The following DSG2 variants were observed in gnomAD, a reference collection of about 807,000 sequenced individuals.
DSG2 encodes the protein desmoglein-2.
In DSG2, 45 loss-of-function variants were observed where a neutral mutation model predicts 75.6. The observed-to-expected ratio is 0.60, with a 90% CI of 0.47 to 0.76. The LOEUF is 0.76. Among genes scored for constraint, DSG2 ranks in the 30% least tolerant of loss-of-function variants. The probability of loss-of-function intolerance (pLI) is 0.00; values close to 1 mark genes in which losing one functional copy is unlikely to be tolerated. For synonymous variants in DSG2, 429 were observed against 483.9 expected, an observed-to-expected ratio of 0.89 and a Z score of 1.49; for missense variants, 1,267 against 1,357.4, an observed-to-expected ratio of 0.93 and a Z score of 1.05.
In DSG2 at chr18:31,521,206, T is replaced by C. The variant is rs756239722; in HGVS notation, c.486T>C (p.Asp162=). 3 of 1,613,702 alleles carry C rather than the reference T, an allele frequency of 1.9e-6. No individual in the cohort carries two copies. The highest frequency in any genetic ancestry group is 3.3e-4 in the Middle Eastern group (2 of 6,054). ...INDNEPVFTQ[D]VFVGSVEELS... is the part of the protein sequence containing the mutation. ...ACAACGAACCAGTGTTCACACAGGA[T>C]GTCTTTGTTGGGTCTGTTGAAGAGT... The change falls in exon 5 of 15, where the codon GAT becomes GAC. Residue 162 remains aspartate, a synonymous_variant. Coordinates refer to ENST00000261590, the MANE Select transcript of DSG2 (RefSeq NM_001943.5).
intron 1 of DSG2, among the ~76,000 whole-genome samples, chr18:31,515,537 G>T (rs2073089867): frequency 6.6e-6 from 1 of 152,174 alleles, no homozygotes; most frequent in South Asian, 2.1e-4. Flanking sequence ...TCTCAGCATT[G>T]CTTTCCCTTG....
chr18:31,502,943 G>T (rs1353814077), intron 1 of DSG2, among the ~76,000 whole-genome samples: 1 of 152,112 alleles, frequency 6.6e-6, no homozygotes, highest in Non-Finnish European at 1.5e-5. Flanking sequence ...TAAACATATA[G>T]TCTACATATG....
rs147233850 is a variant in DSG2, at chr18:31,541,384, T to A, written c.2001+70T>A. The A allele has an allele frequency of 2.5e-6, 4 of 1,584,730 alleles. No homozygotes were observed. The African/African-American group carries it at 4.0e-5, about 16-fold the overall frequency. On this transcript the variant is annotated intron_variant, in intron 13 of 14. Coordinates refer to ENST00000261590, the MANE Select transcript of DSG2 (RefSeq NM_001943.5). ...TTAAAGGGGCCTAGGGAAGTGTTTC[T>A]TACATGTTTGGTTGAGTGAGTAAAG...
At chr18:31,519,698 C>A in intron 2 of DSG2, 105 bp from the exon 3 acceptor site, 2 of 1,216,782 alleles carry the variant, frequency 1.6e-6, no homozygotes, top group Non-Finnish European at 2.4e-6. Context: ...ACGAAGCATA[C>A]CTTAAAATTT....
chr18:31,522,469 T>C (rs965756455), intron 6 of DSG2: 1 of 473,594 alleles, frequency 2.1e-6, no homozygotes, highest in Non-Finnish European at 3.8e-6. Flanking sequence ...TGTATGCACG[T>C]TGAATGTGTA....
At position 31,519,913 on chromosome 18, in the gene DSG2, G is replaced by T. The variant is rs1377946410; in HGVS notation, c.192G>T (p.Leu64=). Residue 64 remains leucine (L), a synonymous_variant, in exon 3 of 15, where the codon CTG becomes CTT. Coordinates refer to ENST00000261590, the MANE Select transcript of DSG2 (RefSeq NM_001943.5). The part of the protein sequence containing the change: ...APVALREGED[L]SKKNPIAKIH... ...TGGCTCTTCGGGAGGGAGAGGATCT[G>T]TCCAAGAAGAATCCAATTGCCAAGG... The T allele has an allele frequency of 1.2e-6, 2 of 1,614,158 alleles. No homozygotes were observed. Among genetic ancestry groups the T allele is most frequent in the South Asian group, 2.2e-5 (2 of 91,078 alleles).
chr18:31,518,079 G>A (rs1390227463), intron 1 of DSG2, among the ~76,000 whole-genome samples, 160 bp from the exon 2 acceptor site: 1 of 152,196 alleles, frequency 6.6e-6, no homozygotes, highest in Non-Finnish European at 1.5e-5. Flanking sequence ...CATTAGGGAA[G>A]GCAATGGGAA....
Position 31,519,907 on chromosome 18 carries a change from G to C in DSG2, c.186G>C (p.Glu62Asp). ...CCCCCGTGGCTCTTCGGGAGGGAGA[G>C]GATCTGTCCAAGAAGAATCCAATTG... ...ITAPVALREGEDLSKKNPIAK... is the reference protein window; with the variant it reads ...ITAPVALREGDDLSKKNPIAK... The change falls in exon 3 of 15, where the codon GAG (glutamate) becomes GAC (aspartate). Residue 62 changes from glutamate (E) to aspartate (D), a missense_variant. Physicochemically the swap from Glu to Asp is conservative, Grantham distance 45 (BLOSUM62 2). Transcript: ENST00000261590. The C allele has an allele frequency of 6.2e-7, 1 of 1,614,084 alleles. No individual in the cohort carries two copies. The highest frequency in any genetic ancestry group is 1.1e-5 in the South Asian group (1 of 91,076).
Position 31,524,732 on chromosome 18 carries a change from C to CA in DSG2, c.860dup (p.Asn287LysfsTer14), listed in dbSNP as rs2073151297. ...AAGGGATGGTTGAAGAAAATCAAGT[C>CA]AACGTAGAAGTTACGCGCATAAAAG... On this transcript the variant is annotated frameshift_variant, in exon 8 of 15. Transcript: ENST00000261590. LOFTEE classifies it high-confidence loss of function. 6.2e-7 allele frequency: 1 copy of CA among 1,613,956 alleles called. No individual in the cohort carries two copies. Among genetic ancestry groups the CA allele is most frequent in the Admixed American group, 1.7e-5 (1 of 59,990 alleles).
chr18:31,505,530 C>T (rs971925175), intron 1 of DSG2, among the ~76,000 whole-genome samples: 14 of 151,956 alleles, frequency 9.2e-5, no homozygotes, highest in Middle Eastern at 6.8e-3. Context: ...TGGGCACGGA[C>T]GTATTCTTTA....
At chr18:31,536,075 A>G (rs746574573) in intron 10 of DSG2, 127 bp from the exon 11 acceptor site, 3 of 842,492 alleles carry the variant, frequency 3.6e-6, no homozygotes, top group South Asian at 1.5e-5. Context: ...TTTGAAACAT[A>G]TCTAGGATAG....
intron 14 of DSG2, chr18:31,543,288 G>A (rs2073282276): frequency 6.2e-6 from 1 of 161,490 alleles, no homozygotes; most frequent in Non-Finnish European, 1.4e-5. Context: ...ATTGACCAAA[G>A]CAAGTCATAT....
intron 1 of DSG2, among the ~76,000 whole-genome samples, chr18:31,511,882 G>A (rs1363308072): frequency 3.9e-5 from 6 of 152,060 alleles, no homozygotes; most frequent in African/African-American, 1.4e-4. Context: ...CAGTCCCTAC[G>A]ATCCCCCTGA....
chr18:31,509,215 A>G (rs2073054216), intron 1 of DSG2, among the ~76,000 whole-genome samples: 1 of 152,234 alleles, frequency 6.6e-6, no homozygotes, highest in African/African-American at 2.4e-5. Flanking sequence ...CTATGAGTTA[A>G]TAAAAAGCTT....
chr18:31,531,035 G>T lies in DSG2; in HGVS notation c.1063G>T (p.Ala355Ser), dbSNP rs201046640. The change falls in exon 9 of 15, where the codon GCT becomes TCT. Residue 355 changes from alanine to serine, a missense_variant. Ala to Ser is a moderately conservative substitution (Grantham distance 99). Coordinates refer to ENST00000261590, the MANE Select transcript of DSG2 (RefSeq NM_001943.5). ...MKNLDFSVIV[A>S]NKAAFHKSIR... is the part of the protein sequence containing the mutation. ...GAATCTTGACTTCAGTGTTATTGTC[G>T]CTAATAAAGCAGCTTTTCACAAGTC... 3.1e-6 allele frequency: 5 copies of T among 1,613,972 alleles called. No homozygotes were observed. The highest frequency in any genetic ancestry group is 4.2e-6 in the Non-Finnish European group (5 of 1,179,984).
At chr18:31,513,217 C>G (rs2073076428) in intron 1 of DSG2, among the ~76,000 whole-genome samples, 1 of 152,222 alleles carries the variant, frequency 6.6e-6, no homozygotes, top group African/African-American at 2.4e-5. Flanking sequence ...TTGAACGATT[C>G]TGTAACTTAA....
intron 8 of DSG2, 90 bp from the exon 9 acceptor site, chr18:31,530,897 T>A: frequency 7.7e-7 from 1 of 1,293,388 alleles, no homozygotes; most frequent in Admixed American, 1.8e-5. Context: ...AATTATTGTA[T>A]CTAACATTAA....
At chr18:31,514,508 G>A (rs1179223965) in intron 1 of DSG2, among the ~76,000 whole-genome samples, 1 of 152,064 alleles carries the variant, frequency 6.6e-6, no homozygotes, top group Admixed American at 6.6e-5. Context: ...AAATTCTTGT[G>A]CTGACTACTG....
At position 31,533,991 on chromosome 18, in the gene DSG2, C is replaced by CTTTTTTTTTT. The variant is rs55789239; in HGVS notation, c.1281-1271_1281-1262dup. On this transcript the variant is annotated intron_variant, in intron 9 of 14. Coordinates refer to ENST00000261590, the MANE Select transcript of DSG2 (RefSeq NM_001943.5). Reference sequence around the variant, plus strand: ...CTAATTACATACATTTCTTTTTTTTCTTTTTTTTTTTTTTTTTGAGACTGA... The same window carrying CTTTTTTTTTT: ...CTAATTACATACATTTCTTTTTTTTCTTTTTTTTTTTTTTTTTTTTTTTTTTTGAGACTGA... Among the ~76,000 whole-genome samples, 22 of 125,930 alleles carry CTTTTTTTTTT rather than the reference C, an allele frequency of 1.7e-4. 1 individual carries two copies. Among genetic ancestry groups the CTTTTTTTTTT allele is most frequent in the African/African-American group, 2.4e-4 (8 of 33,338 alleles). 82.6% of individuals were successfully genotyped at this position (125,930 alleles called of 152,430 possible).
Sources: allele counts gnomAD v4.1 joint callset (sites outside exome capture counted in the v4.1 genomes callset), GRCh38; gene constraint gnomAD v4.1.1; transcripts MANE v1.5; gene names NCBI Gene and HGNC (gene_info 2026-07-23, HGNC 2026-07-21).